ICAM1: variants seen among roughly 807,000 people sequenced by gnomAD.
The protein encoded by ICAM1 is intercellular adhesion molecule 1, also known as ICAM-1.
Under a neutral mutation model 42.3 loss-of-function variants are expected in ICAM1, and 28 were observed. The ratio of observed to expected loss-of-function variants is 0.66; its 90% CI spans 0.49 to 0.91. The LOEUF (loss-of-function observed/expected upper bound fraction) is 0.91, where lower values mean the gene tolerates loss of function less well. Among genes scored for constraint, ICAM1 ranks in the 40% least tolerant of loss-of-function variants. The pLI is 0.00. For synonymous variants in ICAM1, 304 were observed against 305.9 expected, an observed-to-expected ratio of 0.99 and a Z score of 0.07; for missense variants, 637 against 688.6, an observed-to-expected ratio of 0.93 and a Z score of 0.84.
intron 2 of ICAM1, among the ~76,000 whole-genome samples, chr19:10,275,901 G>T (rs1568292302): frequency 1.3e-5 from 2 of 151,282 alleles, no homozygotes; most frequent in Non-Finnish European, 2.9e-5. Context: ...GTAGAGACGG[G>T]GTTTCACTGT....
In ICAM1 at chr19:10,283,713, T is replaced by C. The variant is rs752067478; in HGVS notation, c.564T>C (p.Thr188=). 6 of 1,613,734 alleles carry C rather than the reference T, an allele frequency of 3.7e-6. No homozygotes were observed. Among genetic ancestry groups the C allele is most frequent in the South Asian group, 1.1e-5 (1 of 91,030 alleles). The change falls in exon 3 of 7, where the codon ACT becomes ACC. Residue 188 remains threonine (T), a synonymous_variant. Transcript: ENST00000264832. The part of the protein sequence containing the change: ...DHHGANFSCR[T]ELDLRPQGLE... ...ATGGAGCCAATTTCTCGTGCCGCACTGAACTGGACCTGCGGCCCCAAGGGC... is the reference window on the plus strand; with the variant it reads ...ATGGAGCCAATTTCTCGTGCCGCACCGAACTGGACCTGCGGCCCCAAGGGC...
Position 10,274,886 on chromosome 19 carries a change from G to T in ICAM1, c.189G>T (p.Pro63=), listed in dbSNP as rs370020996. The change falls in exon 2 of 7, where the codon CCG becomes CCT. Residue 63 remains proline, a synonymous_variant. Coordinates refer to ENST00000264832, the MANE Select transcript of ICAM1 (RefSeq NM_000201.3). ...CCAAGTTGTTGGGCATAGAGACCCC[G>T]TTGCCTAAAAAGGAGTTGCTCCTGC... ...DQPKLLGIET[P]LPKKELLLPG... The T allele has an allele frequency of 1.2e-6, 2 of 1,614,128 alleles. No homozygotes were observed. Among genetic ancestry groups the T allele is most frequent in the East Asian group, 4.5e-5 (2 of 44,894 alleles).
At position 10,271,125 on chromosome 19, in the gene ICAM1, C is replaced by A. The variant is rs753538053; in HGVS notation, c.-35C>A. 11 of 1,586,888 alleles carry A rather than the reference C, an allele frequency of 6.9e-6. No individual in the cohort carries two copies. In the South Asian group the frequency reaches 7.9e-5, roughly 11 times the overall value. On this transcript the variant is annotated 5_prime_UTR_variant, in exon 1 of 7. Coordinates refer to ENST00000264832, the MANE Select transcript of ICAM1 (RefSeq NM_000201.3). ...CACGCGCCCCAGTCGACGCTGAGCT[C>A]CTCTGCTACTCAGAGTTGCAACCTC... is the stretch of plus-strand genomic sequence containing the variant.
At chr19:10,275,515 C>T (rs1234040436) in intron 2 of ICAM1, among the ~76,000 whole-genome samples, 3 of 151,958 alleles carry the variant, frequency 2.0e-5, no homozygotes, top group Non-Finnish European at 4.4e-5. Context: ...AAAATGCCAT[C>T]TCTCTATGCC....
chr19:10,284,666 G>A lies in ICAM1; in HGVS notation c.1180+9G>A, dbSNP rs763423696. Reference sequence around the variant, plus strand: ...GGAGCTTCGTGTCCTGTGTGAGTGGGGCTGCTGGTCAATGGCCCCTATCCC... The same window carrying A: ...GGAGCTTCGTGTCCTGTGTGAGTGGAGCTGCTGGTCAATGGCCCCTATCCC... On this transcript the variant is annotated intron_variant, in intron 5 of 6. Transcript: ENST00000264832. The surrounding 1 kb of genome is among the most constrained non-coding windows in gnomAD (Gnocchi z 5.4). 18 of 1,613,496 alleles carry A rather than the reference G, an allele frequency of 1.1e-5. No homozygotes were observed. Among genetic ancestry groups the A allele is most frequent in the Non-Finnish European group, 1.5e-5 (18 of 1,179,684 alleles).
intron 1 of ICAM1, among the ~76,000 whole-genome samples, chr19:10,274,013 CAA>C (rs34434348): frequency 6.0e-5 from 8 of 134,422 alleles, no homozygotes; most frequent in African/African-American, 1.3e-4. Flanking sequence ...GACTCCATCT[CAA>C]AAAAAAAAAA....
At position 10,285,696 on chromosome 19, in the gene ICAM1, C is replaced by G. The variant is rs1208737132; in HGVS notation, c.*409C>G. On this transcript the variant is annotated 3_prime_UTR_variant, in exon 7 of 7. Coordinates refer to ENST00000264832, the MANE Select transcript of ICAM1 (RefSeq NM_000201.3). ...TACAGAAGAAGTGGCCCTCCATAGACATGTGTAGCATCAAAACACAAAGGC... is the reference window on the plus strand; with the variant it reads ...TACAGAAGAAGTGGCCCTCCATAGAGATGTGTAGCATCAAAACACAAAGGC... 1 of 185,060 alleles carries G rather than the reference C, an allele frequency of 5.4e-6. No homozygotes were observed. Among genetic ancestry groups the G allele is most frequent in the African/African-American group, 2.4e-5 (1 of 42,546 alleles). 11.5% of individuals were successfully genotyped at this position (185,060 alleles called of 1,614,324 possible).
Position 10,283,462 on chromosome 19 carries a change from C to A in ICAM1, c.332-19C>A. The A allele has an allele frequency of 6.5e-7, 1 of 1,530,692 alleles. No homozygotes were observed. Among genetic ancestry groups the A allele is most frequent in the South Asian group, 1.3e-5 (1 of 78,502 alleles). 94.8% of individuals were successfully genotyped at this position (1,530,692 alleles called of 1,614,324 possible). A position where few individuals can be genotyped will look rare whatever the true frequency, so the allele number is the denominator to read the frequency against. On this transcript the variant is annotated intron_variant, in intron 2 of 6. Transcript: ENST00000264832. ...CAAGGTCCACTTCACCAGACACCCC[C>A]ACCTCTGTTTTCCTGCAGGGACTCC...
intron 2 of ICAM1, among the ~76,000 whole-genome samples, chr19:10,277,255 A>C (rs5030355): frequency 6.6e-6 from 1 of 151,824 alleles, no homozygotes; most frequent in African/African-American, 2.4e-5. Context: ...ATCTCAGCTC[A>C]CCGCAACCTT....
chr19:10,285,517 G>A lies in ICAM1; in HGVS notation c.*230G>A. ...CTGTAGTCACATGACTAAGCCAAGAGGAAGGAGCAAGACTCAAGACATGAT... is the reference window on the plus strand; with the variant it reads ...CTGTAGTCACATGACTAAGCCAAGAAGAAGGAGCAAGACTCAAGACATGAT... On this transcript the variant is annotated 3_prime_UTR_variant, in exon 7 of 7. Coordinates refer to ENST00000264832, the MANE Select transcript of ICAM1 (RefSeq NM_000201.3). 1.8e-6 allele frequency: 1 copy of A among 544,718 alleles called. No homozygotes were observed. 33.7% of individuals were successfully genotyped at this position (544,718 alleles called of 1,614,324 possible).
intron 2 of ICAM1, among the ~76,000 whole-genome samples, chr19:10,276,414 A>G (rs977097021): frequency 1.3e-5 from 2 of 151,650 alleles, no homozygotes; most frequent in South Asian, 2.1e-4. Context: ...GCATGGTGGC[A>G]GGCGCCTGTG....
intron 2 of ICAM1, among the ~76,000 whole-genome samples, chr19:10,278,833 C>T (rs5030361): frequency 5.8e-4 from 89 of 152,200 alleles, no homozygotes; most frequent in African/African-American, 1.7e-3. Flanking sequence ...TGAGCCACCA[C>T]GCGCGGCTCT....
At chr19:10,274,312 ATT>A (rs34542691) in intron 1 of ICAM1, among the ~76,000 whole-genome samples, 32 of 134,846 alleles carry the variant, frequency 2.4e-4, no homozygotes, top group Middle Eastern at 3.8e-3. Flanking sequence ...TTTGCTCATA[ATT>A]TTTTTTTTTT....
At chr19:10,273,422 G>A (rs1421353183) in intron 1 of ICAM1, among the ~76,000 whole-genome samples, 1 of 151,834 alleles carries the variant, frequency 6.6e-6, no homozygotes, top group African/African-American at 2.4e-5. Flanking sequence ...AACCTGGGAG[G>A]CGGAGGTTGC....
intron 1 of ICAM1, among the ~76,000 whole-genome samples, chr19:10,272,902 T>G (rs1171486559): frequency 6.6e-6 from 1 of 152,144 alleles, no homozygotes; most frequent in Non-Finnish European, 1.5e-5. Context: ...GTTACTTGTA[T>G]TAGCAAGGGA....
intron 2 of ICAM1, chr19:10,283,254 C>CTT: frequency 2.1e-6 from 1 of 470,996 alleles, no homozygotes; most frequent in Non-Finnish European, 3.8e-6. Flanking sequence ...ACTTTTCACT[C>CTT]TAAGATGCTG....
At position 10,284,813 on chromosome 19, in the gene ICAM1, C is replaced by T. The variant is rs112301533; in HGVS notation, c.1211C>T (p.Pro404Leu). ...YGPRLDERDC[P>L]GNWTWPENSQ... The stretch of plus-strand genomic sequence containing the variant: ...CCCCGACTGGACGAGAGGGATTGTC[C>T]GGGAAACTGGACGTGGCCAGAAAAT... Residue 404 changes from proline to leucine, a missense_variant, in exon 6 of 7, where the codon CCG (proline) becomes CTG (leucine). Physicochemically the swap from Pro to Leu is moderately conservative, Grantham distance 98. Coordinates refer to ENST00000264832, the MANE Select transcript of ICAM1 (RefSeq NM_000201.3). The surrounding 1 kb of genome is among the most constrained non-coding windows in gnomAD (Gnocchi z 5.4). 3.2e-4 allele frequency: 519 copies of T among 1,601,782 alleles called. 1 individual carries two copies. The highest frequency in any genetic ancestry group is 6.4e-4 in the African/African-American group (47 of 73,946).
intron 2 of ICAM1, 34 bp from the exon 3 acceptor site, chr19:10,283,447 T>C: frequency 2.0e-6 from 3 of 1,518,940 alleles, no homozygotes; most frequent in Non-Finnish European, 2.6e-6. Context: ...CAAGGTCCAC[T>C]TCACCAGACA....
chr19:10,281,007 G>A (rs2040052639), intron 2 of ICAM1, among the ~76,000 whole-genome samples: 2 of 151,360 alleles, frequency 1.3e-5, no homozygotes, highest in African/African-American at 4.9e-5. Context: ...CTGAGTAGCT[G>A]GGACTACAGG....
Sources: allele counts gnomAD v4.1 joint callset (sites outside exome capture counted in the v4.1 genomes callset), GRCh38; gene constraint gnomAD v4.1.1; non-coding constraint Gnocchi (gnomAD v3.1); transcripts MANE v1.5; gene names NCBI Gene and HGNC (gene_info 2026-07-23, HGNC 2026-07-21).